COL18A1: variants seen among roughly 807,000 people sequenced by gnomAD.
The protein encoded by COL18A1 is collagen alpha-1(XVIII) chain.
Under a neutral mutation model 168.0 loss-of-function variants are expected in COL18A1, and 133 were observed. The ratio of observed to expected loss-of-function variants is 0.79; its 90% CI spans 0.69 to 0.91. The LOEUF is 0.91. COL18A1 is among the 40% of genes least tolerant of loss of function. The probability of loss-of-function intolerance (pLI) is 0.00; values close to 1 mark genes in which losing one functional copy is unlikely to be tolerated. For missense variants in COL18A1, 2,126 were observed against 1,925.4 expected (o/e 1.10, Z -1.95); for synonymous variants, 949 against 809.0 (o/e 1.17, Z -2.94).
At chr21:45,493,273 TG>T in intron 25 of COL18A1, 48 bp downstream of exon 25, 4 of 1,542,896 alleles carry the variant, frequency 2.6e-6, no homozygotes, top group Non-Finnish European at 3.5e-6. Flanking sequence ...GACCCAGGGG[TG>T]GCTCCAGCCT....
In COL18A1 at chr21:45,510,266, G is replaced by A. The variant is rs1329355911; in HGVS notation, c.3693+5G>A. 1 of 1,599,958 alleles carries A rather than the reference G, an allele frequency of 6.3e-7. No individual in the cohort carries two copies. The highest frequency in any genetic ancestry group is 1.7e-5 in the Admixed American group (1 of 58,480). On this transcript the variant is annotated splice_donor_5th_base_variant and intron_variant, in intron 40 of 41. Transcript: ENST00000651438. ...GTGCCCATCGTCAACCTCAAGGTGG[G>A]TCAGTCCAGTCCTGAGGGCGCGGGC... is the stretch of plus-strand genomic sequence containing the variant.
chr21:45,504,514 CCCCCCAGG>C lies in COL18A1; in HGVS notation c.2832_2839del (p.Gly945ArgfsTer139), dbSNP rs1469771971. 6.1e-4 allele frequency: 11 copies of C among 18,132 alleles called. No homozygotes were observed. The highest frequency in any genetic ancestry group is 0.011 in the East Asian group (1 of 94). The allele number at this position is 18,132 out of a possible 1,614,324, so 1.1% of individuals were successfully genotyped here. On this transcript the variant is annotated frameshift_variant, in exon 34 of 42. Transcript: ENST00000651438. LOFTEE classifies it high-confidence loss of function. ...GCTCCAGCCTGCCCGGCCCCCCCGG[CCCCCCAGG>C]CCCCCCAGGCCCACGTGGCTACCCT... is the stretch of plus-strand genomic sequence containing the variant.
At chr21:45,497,123 C>T (rs1292635983) in intron 31 of COL18A1, 31 bp downstream of exon 31, 9 of 1,440,640 alleles carry the variant, frequency 6.2e-6, no homozygotes, top group African/African-American at 1.4e-5. Context: ...GCTGGGGACA[C>T]AGGCTCTGAA....
chr21:45,498,006 G>A lies in COL18A1; in HGVS notation c.2683+345G>A, dbSNP rs926403156. ...CTCCCCTCCACGGGGCCGGGGGTCG[G>A]CACTGGAGGACCCTCTGTCGAGAAA... is the stretch of plus-strand genomic sequence containing the variant. On this transcript the variant is annotated intron_variant, in intron 32 of 41. Transcript: ENST00000651438. This position sits in a 1 kb window ranked among gnomAD's most constrained non-coding sequence, Gnocchi z 4.5. Among the ~76,000 whole-genome samples, 6 of 152,154 alleles carry A rather than the reference G, an allele frequency of 3.9e-5. No individual in the cohort carries two copies. Among genetic ancestry groups the A allele is most frequent in the African/African-American group, 1.2e-4 (5 of 41,430 alleles).
chr21:45,505,035 C>A lies in COL18A1; in HGVS notation c.2869-99C>A, dbSNP rs1202851412. The A allele has an allele frequency of 5.4e-6, 8 of 1,485,492 alleles. No individual in the cohort carries two copies. In the Admixed American group the frequency reaches 7.7e-5, roughly 14 times the overall value. 92.0% of individuals were successfully genotyped at this position (1,485,492 alleles called of 1,614,324 possible). A position where few individuals can be genotyped will look rare whatever the true frequency, so the allele number is the denominator to read the frequency against. ...GGGGACCGGTGACTCAGAGGCTGCG[C>A]TCGCCAAGGGGGTCTTGGCAGCTGC... On this transcript the variant is annotated intron_variant, in intron 34 of 41. Coordinates refer to ENST00000651438, the MANE Select transcript of COL18A1 (RefSeq NM_001379500.1).
chr21:45,412,152 C>T (rs2033316528), intron 2 of COL18A1, among the ~76,000 whole-genome samples: 1 of 151,812 alleles, frequency 6.6e-6, no homozygotes, highest in Non-Finnish European at 1.5e-5. Flanking sequence ...GCTTTCAGCT[C>T]TGGATGTCCT....
intron 15 of COL18A1, among the ~76,000 whole-genome samples, chr21:45,484,001 C>A (rs1474132524): frequency 6.7e-6 from 1 of 148,198 alleles, no homozygotes; most frequent in Non-Finnish European, 1.5e-5. Context: ...CACATGCACA[C>A]ACACCTCTCC....
chr21:45,406,342 CGGGTGA>C (rs2033109800), intron 2 of COL18A1, among the ~76,000 whole-genome samples: 1 of 152,160 alleles, frequency 6.6e-6, no homozygotes, highest in African/African-American at 2.4e-5. Flanking sequence ...CTTGCTACAG[CGGGTGA>C]GGAAGCAGGA....
rs1024690135 is a variant in COL18A1, at chr21:45,443,239, A to G, written c.107-25003A>G. ...CTGGTGCCTGGGAGGTGCTTACCCC[A>G]TGGCCCCAACCGGCACAAGTGTGGC... On this transcript the variant is annotated intron_variant, in intron 2 of 41. Coordinates refer to ENST00000651438, the MANE Select transcript of COL18A1 (RefSeq NM_001379500.1). This position sits in a 1 kb window ranked among gnomAD's most constrained non-coding sequence, Gnocchi z 5.2. Among the ~76,000 whole-genome samples, 3 of 152,028 alleles carry G rather than the reference A, an allele frequency of 2.0e-5. No homozygotes were observed. Among genetic ancestry groups the G allele is most frequent in the South Asian group, 2.1e-4 (1 of 4,830 alleles).
At chr21:45,504,793 G>A (rs767646662) in intron 34 of COL18A1, among the ~76,000 whole-genome samples, 1 of 152,114 alleles carries the variant, frequency 6.6e-6, no homozygotes, top group Non-Finnish European at 1.5e-5. Flanking sequence ...CCTCCTGCTG[G>A]GGCCACGTGC....
chr21:45,491,378 TCCCCGA>T, intron 22 of COL18A1, 64 bp downstream of exon 22: 1 of 792,920 alleles, frequency 1.3e-6, no homozygotes. Context: ...CAGAGATCCC[TCCCCGA>T]GCCCCCCCCA....
intron 2 of COL18A1, among the ~76,000 whole-genome samples, chr21:45,453,175 GTGAT>G (rs763897649): frequency 9.7e-4 from 148 of 151,916 alleles, no homozygotes; most frequent in Non-Finnish European, 1.8e-3. Flanking sequence ...GTATGTGTGT[GTGAT>G]TGTGTATGCA....
intron 34 of COL18A1, 88 bp from the exon 35 acceptor site, chr21:45,505,046 G>A (rs1306725793): frequency 5.9e-6 from 9 of 1,521,852 alleles, no homozygotes; most frequent in Admixed American, 1.9e-5. Context: ...TCGCCAAGGG[G>A]GTCTTGGCAG....
Position 45,513,519 on chromosome 21 carries a change from C to T in COL18A1, c.*1121C>T, listed in dbSNP as rs556075168. The T allele has an allele frequency of 4.0e-5, 6 of 148,994 alleles. No homozygotes were observed. The East Asian group carries it at 1.2e-3, about 30-fold the overall frequency. 9.2% of individuals were successfully genotyped at this position (148,994 alleles called of 1,614,324 possible). A position where few individuals can be genotyped will look rare whatever the true frequency, so the allele number is the denominator to read the frequency against. ...AACAAGGTCCTCTGTCAGTCACAGCCACCCCTGAGATCCGGCAACATCAAC... is the reference window on the plus strand; with the variant it reads ...AACAAGGTCCTCTGTCAGTCACAGCTACCCCTGAGATCCGGCAACATCAAC... On this transcript the variant is annotated 3_prime_UTR_variant, in exon 42 of 42. Coordinates refer to ENST00000651438, the MANE Select transcript of COL18A1 (RefSeq NM_001379500.1).
Position 45,512,722 on chromosome 21 carries a change from T to G in COL18A1, c.*324T>G, listed in dbSNP as rs2037684186. ...AGACCACGGCTCGATTTCTCCAGGA[T>G]TTCCTGCTTTGGGAAGCCGTGCTCG... is the stretch of plus-strand genomic sequence containing the variant. On this transcript the variant is annotated 3_prime_UTR_variant, in exon 42 of 42. Coordinates refer to ENST00000651438, the MANE Select transcript of COL18A1 (RefSeq NM_001379500.1). 2.4e-6 allele frequency: 1 copy of G among 424,708 alleles called. No homozygotes were observed. Among genetic ancestry groups the G allele is most frequent in the Non-Finnish European group, 4.4e-6 (1 of 228,728 alleles). The allele number at this position is 424,708 out of a possible 1,614,324, so 26.3% of individuals were successfully genotyped here. A position where few individuals can be genotyped will look rare whatever the true frequency, so the allele number is the denominator to read the frequency against.
rs781528202 is a variant in COL18A1 at position 45,473,918 on chromosome 21, G to A, written c.675G>A (p.Val225=). Residue 225 remains valine (V), a synonymous_variant, in exon 4 of 42, where the codon GTG becomes GTA. Coordinates refer to ENST00000651438, the MANE Select transcript of COL18A1 (RefSeq NM_001379500.1). This position sits in a 1 kb window ranked among gnomAD's most constrained non-coding sequence, Gnocchi z 4.0. ...KFQGVIAELK[V]RRDPQVSPMH... Reference sequence around the variant, plus strand: ...AGGGGGTGATCGCTGAGCTGAAGGTGCGCAGGGACCCCCAGGTGAGCCCCA... The same window carrying A: ...AGGGGGTGATCGCTGAGCTGAAGGTACGCAGGGACCCCCAGGTGAGCCCCA... The A allele has an allele frequency of 1.4e-5, 23 of 1,605,094 alleles. No individual in the cohort carries two copies. In the African/African-American group the frequency reaches 2.4e-4, roughly 17 times the overall value.
rs576127558 is a variant in COL18A1, at chr21:45,434,802, C to A, written c.106+29329C>A. ...CCCGGTGGGTTGCAGCCCCCAGAGC[C>A]GGGCTTCCCGGAAAGGGGCATCGCT... On this transcript the variant is annotated intron_variant, in intron 2 of 41. Coordinates refer to ENST00000651438, the MANE Select transcript of COL18A1 (RefSeq NM_001379500.1). Among the ~76,000 whole-genome samples the A allele has an allele frequency of 4.1e-3, 628 of 152,320 alleles. 3 individuals are homozygous for A. Among genetic ancestry groups the A allele is most frequent in the African/African-American group, 0.015 (605 of 41,578 alleles).
In COL18A1 at chr21:45,497,491, C is replaced by T. The variant is rs1016235802; in HGVS notation, c.2621-108C>T. The T allele has an allele frequency of 1.5e-4, 211 of 1,398,064 alleles. 1 individual carries two copies. The highest frequency in any genetic ancestry group is 1.5e-3 in the Middle Eastern group (7 of 4,658). The allele number at this position is 1,398,064 out of a possible 1,614,324, so 86.6% of individuals were successfully genotyped here. ...TGACTGTCCCCATGTCCATCTGATG[C>T]CCCCCCATCCAGGCCCCCAGGCACT... On this transcript the variant is annotated intron_variant, in intron 31 of 41. Transcript: ENST00000651438.
chr21:45,497,539 C>T (rs982814462), intron 31 of COL18A1, 60 bp from the exon 32 acceptor site: 53 of 1,547,244 alleles, frequency 3.4e-5, no homozygotes, highest in Non-Finnish European at 4.2e-5. Context: ...GCAGGAGGGG[C>T]ACCACCCTGG....
Sources: gnomAD v4.1 joint callset for allele counts (sites outside exome capture counted in the v4.1 genomes callset) on GRCh38, gnomAD v4.1.1 for gene constraint, Gnocchi (gnomAD v3.1) non-coding constraint, MANE v1.5 for transcripts, NCBI Gene and HGNC (gene_info 2026-07-23, HGNC 2026-07-21) for gene names.